TPCN2: variants seen among roughly 807,000 people sequenced by gnomAD.
TPCN2 encodes the protein two pore segment channel 2.
In TPCN2, 92 loss-of-function variants were observed where a neutral mutation model predicts 111.4. The ratio of observed to expected loss-of-function variants is 0.83; its 90% CI spans 0.70 to 0.98. TPCN2 has a LOEUF of 0.98. TPCN2 is among the 50% of genes least tolerant of loss of function. The pLI is 0.00. For missense variants in TPCN2, 995 were observed against 980.1 expected (o/e 1.02, Z -0.20); for synonymous variants, 405 against 414.5 (o/e 0.98, Z 0.28).
intron 13 of TPCN2, among the ~76,000 whole-genome samples, chr11:69,076,914 T>TTGCCCTCC (rs1253165470): frequency 3.2e-5 from 1 of 31,648 alleles, no homozygotes; most frequent in Non-Finnish European, 5.3e-5. Flanking sequence ...GTCCCTCCAC[T>TTGCCCTCC]TGCCCTCCTG....
At chr11:69,084,677 G>T (rs745428510) in intron 19 of TPCN2, 39 of 985,346 alleles carry the variant, frequency 4.0e-5, no homozygotes, top group Admixed American at 6.1e-5. Flanking sequence ...CCACCTTGAC[G>T]TAGGGACCAC....
chr11:69,071,278 A>G (rs1048646915), intron 9 of TPCN2, 78 bp from the exon 10 acceptor site: 37 of 1,172,428 alleles, frequency 3.2e-5, no homozygotes, highest in African/African-American at 1.2e-4. Context: ...GCGCTGTGCT[A>G]TCCTGTGCCG....
At chr11:69,076,975 C>T (rs1215336616) in intron 13 of TPCN2, among the ~76,000 whole-genome samples, 3 of 108,972 alleles carry the variant, frequency 2.8e-5, no homozygotes, top group Admixed American at 9.1e-5. Flanking sequence ...TGCCCTCCTG[C>T]CATGTCCCTC....
intron 18 of TPCN2, chr11:69,083,227 T>C (rs1856121121): frequency 6.5e-6 from 1 of 153,010 alleles, no homozygotes; most frequent in Non-Finnish European, 1.5e-5. Context: ...CCTGCAATCA[T>C]GCCGTTTTGC....
intron 13 of TPCN2, among the ~76,000 whole-genome samples, chr11:69,075,237 T>C (rs1855703956): frequency 6.6e-6 from 1 of 152,188 alleles, no homozygotes; most frequent in Non-Finnish European, 1.5e-5. Context: ...CTTTCCTCAA[T>C]AATGCTGACT....
In TPCN2 at chr11:69,069,328, C is replaced by T. The variant is rs1304586499; in HGVS notation, c.830-1102C>T. Among the ~76,000 whole-genome samples, 6 of 26,184 alleles carry T rather than the reference C, an allele frequency of 2.3e-4. 2 individuals carry two copies. Among genetic ancestry groups the T allele is most frequent in the African/African-American group, 3.8e-4 (4 of 10,390 alleles). The allele number at this position is 26,184 out of a possible 152,430, so 17.2% of individuals were successfully genotyped here. A position where few individuals can be genotyped will look rare whatever the true frequency, so the allele number is the denominator to read the frequency against. ...GGAAGTGACCGCAGTGGGAGCAGGA[C>T]CATCTGAGTCCTAGGAAGTTACCGC... is the stretch of plus-strand genomic sequence containing the variant. On this transcript the variant is annotated intron_variant, in intron 8 of 24. Coordinates refer to ENST00000294309, the MANE Select transcript of TPCN2 (RefSeq NM_139075.4).
chr11:69,078,171 T>TTTA (rs1855869798), intron 13 of TPCN2, among the ~76,000 whole-genome samples: 1 of 151,756 alleles, frequency 6.6e-6, no homozygotes, highest in African/African-American at 2.4e-5. Context: ...TTTTTTTTTT[T>TTTA]TATATATATC....
At position 69,073,472 on chromosome 11, in the gene TPCN2, G is replaced by A. The variant is rs112989788; in HGVS notation, c.1230+471G>A. ...CTCACAGGCAGTGTGGGGGCAGCAC[G>A]GGGGCTGCCATTCCAGCTGCTCAGC... On this transcript the variant is annotated intron_variant, in intron 13 of 24. Transcript: ENST00000294309. Among the ~76,000 whole-genome samples the A allele has an allele frequency of 7.9e-5, 12 of 152,374 alleles. 1 individual carries two copies. The highest frequency in any genetic ancestry group is 1.3e-4 in the Non-Finnish European group (9 of 68,028).
intron 5 of TPCN2, among the ~76,000 whole-genome samples, chr11:69,058,967 A>G (rs1854901059): frequency 6.6e-6 from 1 of 152,246 alleles, no homozygotes; most frequent in Non-Finnish European, 1.5e-5. Context: ...GGAAAAAGAG[A>G]CACAGGTCTA....
intron 1 of TPCN2, among the ~76,000 whole-genome samples, chr11:69,049,683 G>T (rs1364465535): frequency 6.6e-6 from 1 of 152,136 alleles, no homozygotes; most frequent in African/African-American, 2.4e-5. Flanking sequence ...GCTGGGGCGG[G>T]CCCCCTAGAC....
intron 7 of TPCN2, among the ~76,000 whole-genome samples, chr11:69,066,636 C>T (rs12787080): frequency 0.44 from 66,277 of 152,138 alleles, 14,856 homozygotes; most frequent in Non-Finnish European, 0.5. Context: ...CATGCCAGGG[C>T]CTGCCTGCGG....
chr11:69,069,472 C>G (rs74502918), intron 8 of TPCN2, among the ~76,000 whole-genome samples: 14 of 4,152 alleles, frequency 3.4e-3, no homozygotes, highest in Non-Finnish European at 5.7e-3. Context: ...AGTGACCGCA[C>G]TGGGAGCAGG....
In TPCN2 at chr11:69,078,530, T is replaced by C. The variant is rs758707146; in HGVS notation, c.1279T>C (p.Phe427Leu). 1 of 1,614,010 alleles carries C rather than the reference T, an allele frequency of 6.2e-7. No homozygotes were observed. Among genetic ancestry groups the C allele is most frequent in the South Asian group, 1.1e-5 (1 of 91,090 alleles). Residue 427 changes from phenylalanine to leucine, a missense_variant, in exon 14 of 25, where the codon TTC becomes CTC. Phe to Leu is a conservative substitution (Grantham distance 22, BLOSUM62 0). Coordinates refer to ENST00000294309, the MANE Select transcript of TPCN2 (RefSeq NM_139075.4). ...GTCTCCGTTTCTGCAGAGCGCCCAG[T>C]TCCTCTTCGGCCACTACTACTTTGA... ...YQSPFLQSAQ[F>L]LFGHYYFDYL...
At position 69,079,852 on chromosome 11, in the gene TPCN2, C is replaced by G; in HGVS notation, c.1558C>G (p.Leu520Val). The change falls in exon 17 of 25, where the codon CTG becomes GTG. Residue 520 changes from leucine to valine, a missense_variant. Coordinates refer to ENST00000294309, the MANE Select transcript of TPCN2 (RefSeq NM_139075.4). ...ATTAAAGGTTTTGGAGATCTCAACT[C>G]TGGCTGTGTACCGATTGCCACACCC... Reference protein sequence around the residue: ...VVLLVLEISTLAVYRLPHPGW... With the variant: ...VVLLVLEISTVAVYRLPHPGW... 1.9e-6 allele frequency: 3 copies of G among 1,613,776 alleles called. No homozygotes were observed. Among genetic ancestry groups the G allele is most frequent in the East Asian group, 2.2e-5 (1 of 44,880 alleles).
intron 4 of TPCN2, 143 bp from the exon 5 acceptor site, chr11:69,057,434 TG>T (rs1394478938): frequency 6.6e-6 from 5 of 762,254 alleles, no homozygotes; most frequent in Non-Finnish European, 1.1e-5. Context: ...TCCTGACTGC[TG>T]CTCTGCGTCC....
At chr11:69,054,382 G>A (rs1439957641) in intron 2 of TPCN2, 1 of 572,494 alleles carries the variant, frequency 1.7e-6, no homozygotes, top group African/African-American at 1.9e-5. Context: ...GGATGACACA[G>A]CTGCACGGGG....
chr11:69,071,427 G>A lies in TPCN2; in HGVS notation c.960+7G>A, dbSNP rs1301455308. ...GTTCCGGGGCTACCTGATGGTGAGC[G>A]AGCTCCCCAATGCTGGCTGTGCCTG... On this transcript the variant is annotated splice_region_variant and intron_variant, in intron 10 of 24. Coordinates refer to ENST00000294309, the MANE Select transcript of TPCN2 (RefSeq NM_139075.4). 5 of 1,610,760 alleles carry A rather than the reference G, an allele frequency of 3.1e-6. No homozygotes were observed. Among genetic ancestry groups the A allele is most frequent in the Admixed American group, 1.7e-5 (1 of 59,826 alleles).
chr11:69,056,149 G>T (rs1854754589), intron 4 of TPCN2, among the ~76,000 whole-genome samples: 1 of 152,234 alleles, frequency 6.6e-6, no homozygotes, highest in Non-Finnish European at 1.5e-5. Flanking sequence ...CATGCCCATG[G>T]TGTTAGATCA....
chr11:69,080,003 G>C (rs142871365), intron 17 of TPCN2, 120 bp downstream of exon 17: 1 of 894,044 alleles, frequency 1.1e-6, no homozygotes, highest in Non-Finnish European at 1.7e-6. Flanking sequence ...GGCAGACCCC[G>C]TGATGGTGGA....
Sources: gnomAD v4.1 joint callset for allele counts (sites outside exome capture counted in the v4.1 genomes callset) on GRCh38, gnomAD v4.1.1 for gene constraint, MANE v1.5 for transcripts, NCBI Gene and HGNC (gene_info 2026-07-23, HGNC 2026-07-21) for gene names.